Variants in SND1 observed in about 807,000 individuals in gnomAD.
SND1 encodes the protein staphylococcal nuclease domain-containing protein 1.
Under a neutral mutation model 121.7 loss-of-function variants are expected in SND1, and 38 were observed. The observed-to-expected ratio is 0.31, with a 90% confidence interval of 0.24 to 0.41. SND1 has a LOEUF of 0.41. Ranked by LOEUF, SND1 falls within the 10% of genes least tolerant of loss-of-function variation. The pLI is 1.00. For synonymous variants in SND1, 401 were observed against 447.4 expected (o/e 0.90, Z 1.31); for missense variants, 868 against 1,184.6 (o/e 0.73, Z 3.92).
intron 15 of SND1, among the ~76,000 whole-genome samples, chr7:127,948,800 T>C (rs1801392386): frequency 6.6e-6 from 1 of 152,360 alleles, no homozygotes; most frequent in Non-Finnish European, 1.5e-5. Context: ...TCTGGACCCC[T>C]GCATAGCCCA....
chr7:127,787,056 G>T (rs1797826468), intron 10 of SND1, among the ~76,000 whole-genome samples: 1 of 152,160 alleles, frequency 6.6e-6, no homozygotes, highest in African/African-American at 2.4e-5. Context: ...CTCTGAATAA[G>T]AAATCCCTTT....
intron 1 of SND1, among the ~76,000 whole-genome samples, chr7:127,658,807 T>C (rs1351562598): frequency 6.6e-6 from 1 of 152,218 alleles, no homozygotes; most frequent in Non-Finnish European, 1.5e-5. Context: ...GGATGAAATT[T>C]GGGGAGCAAG....
chr7:127,764,414 A>G lies in SND1; in HGVS notation c.1152+43014A>G, dbSNP rs190013973. ...TTTTAATAGTGCAATTTGGCTTTTC[A>G]TGGTCCTTAACTCTGGAAGGAACTC... On this transcript the variant is annotated intron_variant, in intron 10 of 23. Coordinates refer to ENST00000354725, the MANE Select transcript of SND1 (RefSeq NM_014390.4). Among the ~76,000 whole-genome samples the G allele has an allele frequency of 7.9e-3, 1,198 of 152,220 alleles. 16 individuals carry two copies. The highest frequency in any genetic ancestry group is 9.1e-3 in the Non-Finnish European group (616 of 68,012).
At chr7:128,014,554 A>G (rs1371144938) in intron 16 of SND1, among the ~76,000 whole-genome samples, 5 of 152,182 alleles carry the variant, frequency 3.3e-5, no homozygotes, top group Non-Finnish European at 7.3e-5. Flanking sequence ...GGGAAGGCAG[A>G]GCACTTGTGT....
At chr7:127,686,519 C>T (rs1356347911) in intron 1 of SND1, 94 bp from the exon 2 acceptor site, 1 of 1,325,550 alleles carries the variant, frequency 7.5e-7, no homozygotes, top group African/African-American at 1.5e-5. Flanking sequence ...AGTGCAAATG[C>T]TATTTGAAAT....
intron 10 of SND1, among the ~76,000 whole-genome samples, chr7:127,800,120 T>C (rs995108494): frequency 2.0e-5 from 3 of 152,212 alleles, no homozygotes; most frequent in African/African-American, 7.2e-5. Context: ...CCAGGGCATG[T>C]GGTAATGCTC....
At chr7:127,990,894 G>A in intron 15 of SND1, 53 bp from the exon 16 acceptor site, 1 of 1,328,616 alleles carries the variant, frequency 7.5e-7, no homozygotes, top group Non-Finnish European at 1.1e-6. Context: ...TTATTGGACA[G>A]CAAGCCTAGT....
chr7:127,939,035 C>T (rs1801125713), intron 15 of SND1, among the ~76,000 whole-genome samples: 1 of 152,070 alleles, frequency 6.6e-6, no homozygotes, highest in Non-Finnish European at 1.5e-5. Context: ...TAAGGGTAAG[C>T]AAAACATGGC....
At chr7:127,925,030 TAACA>T (rs535788925) in intron 14 of SND1, among the ~76,000 whole-genome samples, 260 of 152,348 alleles carry the variant, frequency 1.7e-3, no homozygotes, top group African/African-American at 5.9e-3. Context: ...ATATAGATAC[TAACA>T]TCCTTTGAAA....
At chr7:127,690,962 C>T (rs1402031228) in intron 2 of SND1, among the ~76,000 whole-genome samples, 1 of 152,158 alleles carries the variant, frequency 6.6e-6, no homozygotes, top group East Asian at 1.9e-4. Context: ...GAAAGCAGCC[C>T]CACTGTATGC....
At chr7:128,076,025 G>A (rs1584775643) in intron 17 of SND1, among the ~76,000 whole-genome samples, 1 of 152,228 alleles carries the variant, frequency 6.6e-6, no homozygotes, top group East Asian at 1.9e-4. Flanking sequence ...GGGTAGAGCG[G>A]CAAGCCCCAG....
intron 3 of SND1, among the ~76,000 whole-genome samples, chr7:127,698,432 A>G (rs1319431399): frequency 6.6e-6 from 1 of 152,216 alleles, no homozygotes; most frequent in Non-Finnish European, 1.5e-5. Flanking sequence ...CATCAAGGCA[A>G]GTGCTCTCCC....
intron 3 of SND1, among the ~76,000 whole-genome samples, chr7:127,698,617 G>A (rs1587604036): frequency 6.6e-6 from 1 of 152,254 alleles, no homozygotes; most frequent in East Asian, 1.9e-4. Context: ...CTGAGATTGC[G>A]TTTGGCCTGG....
chr7:127,729,439 CTT>C (rs10712716), intron 10 of SND1, among the ~76,000 whole-genome samples: 3,199 of 97,392 alleles, frequency 0.033, 72 homozygotes, highest in South Asian at 0.068. Context: ...AGATAAATTA[CTT>C]TTTTTTTTTT....
At chr7:127,818,200 G>A (rs1473576442) in intron 11 of SND1, among the ~76,000 whole-genome samples, 1 of 152,104 alleles carries the variant, frequency 6.6e-6, no homozygotes, top group Non-Finnish European at 1.5e-5. Context: ...AAAATAGGTT[G>A]GATAAATATG....
At chr7:128,000,041 A>C (rs1432439724) in intron 16 of SND1, 1 of 148,578 alleles carries the variant, frequency 6.7e-6, no homozygotes, top group African/African-American at 2.5e-5. Flanking sequence ...ATCATCCTGA[A>C]TAGTCACTGC....
Position 127,984,145 on chromosome 7 carries a change from G to A in SND1, c.1670-6802G>A, listed in dbSNP as rs145585416. 2.0e-5 allele frequency among the ~76,000 whole-genome samples: 3 copies of A among 152,210 alleles called. No individual in the cohort carries two copies. In the East Asian group the frequency reaches 5.8e-4, roughly 29 times the overall value. On this transcript the variant is annotated intron_variant, in intron 15 of 23. Transcript: ENST00000354725. ...GTGCTCCAGTTTTCTGCATTTCCAT[G>A]TGGCCACATAACTTTCCTAGAATTG...
rs1222594235 is a variant in SND1, at chr7:128,074,678, GAAGA to G, written c.1961_1964del (p.Lys654ArgfsTer15). ...TGTCTGCCGAGGAGGCCGCAAAGCA[GAAGA>G]AAGAGAAGGTACATGTGGCAGCCCA... On this transcript the variant is annotated frameshift_variant, in exon 17 of 24. Coordinates refer to ENST00000354725, the MANE Select transcript of SND1 (RefSeq NM_014390.4). LOFTEE classifies it high-confidence loss of function. The G allele has an allele frequency of 6.2e-7, 1 of 1,610,888 alleles. No individual in the cohort carries two copies. The highest frequency in any genetic ancestry group is 8.5e-7 in the Non-Finnish European group (1 of 1,178,630).
At chr7:127,815,828 C>T (rs1254554034) in intron 11 of SND1, among the ~76,000 whole-genome samples, 8 of 152,156 alleles carry the variant, frequency 5.3e-5, no homozygotes, top group East Asian at 1.9e-4. Context: ...GACTCTTGGC[C>T]GAACCTCTTG....
Sources: gnomAD v4.1 joint callset for allele counts (sites outside exome capture counted in the v4.1 genomes callset) on GRCh38, gnomAD v4.1.1 for gene constraint, MANE v1.5 for transcripts, NCBI Gene and HGNC (gene_info 2026-07-23, HGNC 2026-07-21) for gene names.